The following SNX29 variants were observed in gnomAD, a reference collection of about 807,000 sequenced individuals.
SNX29 encodes the protein sorting nexin 29, also known as sorting nexin-29.
In SNX29, 78 loss-of-function variants were observed where a neutral mutation model predicts 102.1. The observed-to-expected ratio is 0.76, with a 90% CI of 0.64 to 0.92. The LOEUF (loss-of-function observed/expected upper bound fraction) is 0.92. SNX29 is among the 40% of genes least tolerant of loss of function. The probability of loss-of-function intolerance (pLI) is 0.00; values close to 1 mark genes in which losing one functional copy is unlikely to be tolerated. For missense variants in SNX29, 1,280 were observed against 1,061.7 expected (o/e 1.21, Z -2.86); for synonymous variants, 580 against 414.5 (o/e 1.40, Z -4.85).
chr16:12,133,475 C>T (rs1174207626), intron 13 of SNX29, among the ~76,000 whole-genome samples: 2 of 151,432 alleles, frequency 1.3e-5, no homozygotes, highest in African/African-American at 4.9e-5. Flanking sequence ...TCTTTTTGTA[C>T]AGACGGGGTT....
chr16:12,560,791 C>T (rs895239595), intron 20 of SNX29: 3 of 177,186 alleles, frequency 1.7e-5, no homozygotes, highest in East Asian at 1.9e-4. Context: ...TTTTCCATGC[C>T]CTTAAGATTA....
At chr16:12,107,660 A>C (rs896912669) in intron 11 of SNX29, among the ~76,000 whole-genome samples, 3 of 151,530 alleles carry the variant, frequency 2.0e-5, no homozygotes, top group African/African-American at 7.3e-5. Flanking sequence ...AAAACAAAAA[A>C]AAGAGGAGTT....
chr16:12,250,442 G>A (rs2078388603), intron 14 of SNX29, among the ~76,000 whole-genome samples: 1 of 152,128 alleles, frequency 6.6e-6, no homozygotes, highest in South Asian at 2.1e-4. Context: ...GGCAGAAGAG[G>A]GTTTTAAGGT....
chr16:12,008,667 T>C (rs368651634), intron 3 of SNX29, among the ~76,000 whole-genome samples: 16 of 152,102 alleles, frequency 1.1e-4, no homozygotes, highest in East Asian at 7.7e-4. Flanking sequence ...TGTGCAGATA[T>C]CAGGCTCAGA....
rs969275686 is a variant in SNX29, at chr16:11,992,834, C to T, written c.8-6463C>T. Among the ~76,000 whole-genome samples, 14 of 152,272 alleles carry T rather than the reference C, an allele frequency of 9.2e-5. No individual in the cohort carries two copies. In the East Asian group the frequency reaches 9.6e-4, roughly 10 times the overall value. On this transcript the variant is annotated intron_variant, in intron 1 of 20. Coordinates refer to ENST00000566228, the MANE Select transcript of SNX29 (RefSeq NM_032167.5). ...ATGTCTAGCATGACGTCACCTCCAC[C>T]GCTGCATGGAGAGACAGCGAAATAC...
At chr16:12,514,427 C>G (rs576444338) in intron 19 of SNX29, among the ~76,000 whole-genome samples, 2 of 152,172 alleles carry the variant, frequency 1.3e-5, no homozygotes, top group Admixed American at 1.3e-4. Context: ...CTCCCACTGT[C>G]GTAGAGCAGA....
chr16:12,095,016 C>T (rs2052710687), intron 11 of SNX29: 1 of 152,200 alleles, frequency 6.6e-6, no homozygotes, highest in African/African-American at 2.4e-5. Flanking sequence ...CGTGCCATCA[C>T]TCCTGCAATG....
At chr16:12,371,564 C>G (rs1247805116) in intron 16 of SNX29, among the ~76,000 whole-genome samples, 1 of 152,234 alleles carries the variant, frequency 6.6e-6, no homozygotes, top group Non-Finnish European at 1.5e-5. Flanking sequence ...CTCAGCCTCC[C>G]AAAGTGCTGG....
chr16:12,484,405 T>A (rs1457734353), intron 19 of SNX29, among the ~76,000 whole-genome samples: 1 of 152,160 alleles, frequency 6.6e-6, no homozygotes, highest in African/African-American at 2.4e-5. Context: ...CCCTGTAGCC[T>A]ATTTTCCACG....
intron 18 of SNX29, among the ~76,000 whole-genome samples, chr16:12,476,905 C>T (rs1247865010): frequency 2.6e-5 from 4 of 152,168 alleles, no homozygotes; most frequent in Non-Finnish European, 5.9e-5. Context: ...TATTGACACT[C>T]ATGGAGTGTA....
rs765555870 is a variant in SNX29 at position 12,569,980 on chromosome 16, G to C, written c.*1351G>C. The C allele has an allele frequency of 8.2e-6, 2 of 245,254 alleles. No individual in the cohort carries two copies. The highest frequency in any genetic ancestry group is 6.0e-5 in the East Asian group (1 of 16,548). The allele number at this position is 245,254 out of a possible 1,614,324, so 15.2% of individuals were successfully genotyped here. ...GATGGTAAGCCATGGGCTTGTCCTG[G>C]AACTGCTTCAACTCAGTGGCTTAAA... is the stretch of plus-strand genomic sequence containing the variant. On this transcript the variant is annotated 3_prime_UTR_variant, in exon 21 of 21. Transcript: ENST00000566228.
chr16:12,067,383 T>TGGAGGATGGATGAGGAAGGCAC (rs1183557598), intron 9 of SNX29, among the ~76,000 whole-genome samples: 1 of 152,104 alleles, frequency 6.6e-6, no homozygotes, highest in African/African-American at 2.4e-5. Flanking sequence ...GGGAATGGCA[T>TGGAGGATGGATGAGGAAGGCAC]GGAGGATGGA....
At chr16:12,238,303 C>CTT (rs5815674) in intron 14 of SNX29, among the ~76,000 whole-genome samples, 3 of 137,784 alleles carry the variant, frequency 2.2e-5, no homozygotes, top group South Asian at 2.3e-4. Context: ...TGGATGGGCA[C>CTT]TTTTTTTTTT....
Position 12,208,053 on chromosome 16 carries a change from A to G in SNX29, c.1678+8370A>G, listed in dbSNP as rs76297897. ...CAGAGATGTTGATGTAGATGGAAAG[A>G]GCATTCCCTGAGAAGGGAAACAAGT... On this transcript the variant is annotated intron_variant, in intron 14 of 20. Coordinates refer to ENST00000566228, the MANE Select transcript of SNX29 (RefSeq NM_032167.5). 1.2e-3 allele frequency among the ~76,000 whole-genome samples: 183 copies of G among 152,340 alleles called. 4 individuals are homozygous for G. The East Asian group carries it at 0.026, about 22-fold the overall frequency.
chr16:12,072,765 G>A (rs539362699), intron 10 of SNX29, among the ~76,000 whole-genome samples: 1 of 151,120 alleles, frequency 6.6e-6, no homozygotes, highest in South Asian at 2.1e-4. Context: ...CCTTGTACCT[G>A]TCGTAGAATT....
intron 20 of SNX29, among the ~76,000 whole-genome samples, chr16:12,556,161 G>A (rs1416771779): frequency 6.6e-6 from 1 of 152,064 alleles, no homozygotes; most frequent in Non-Finnish European, 1.5e-5. Context: ...AAATCGCTTT[G>A]TCGCCATGAC....
intron 19 of SNX29, among the ~76,000 whole-genome samples, chr16:12,517,517 G>A (rs2089918128): frequency 6.6e-6 from 1 of 152,102 alleles, no homozygotes; most frequent in Admixed American, 6.5e-5. Flanking sequence ...CTGGACTTTC[G>A]CAACATCCTC....
intron 15 of SNX29, among the ~76,000 whole-genome samples, chr16:12,339,182 A>G (rs367710662): frequency 6.6e-6 from 1 of 152,140 alleles, no homozygotes; most frequent in Non-Finnish European, 1.5e-5. Flanking sequence ...AGCCTGGCCA[A>G]CATGGTGAAA....
At chr16:12,388,328 A>C (rs1401015983) in intron 16 of SNX29, among the ~76,000 whole-genome samples, 3 of 152,244 alleles carry the variant, frequency 2.0e-5, no homozygotes, top group Admixed American at 6.5e-5. Flanking sequence ...TCAAAGAATT[A>C]CATGAGTGGG....
Sources: gnomAD v4.1 joint callset for allele counts (sites outside exome capture counted in the v4.1 genomes callset) on GRCh38, gnomAD v4.1.1 for gene constraint, MANE v1.5 for transcripts, NCBI Gene and HGNC (gene_info 2026-07-23, HGNC 2026-07-21) for gene names.